Variants in PCDH15 observed in about 807,000 individuals in gnomAD.
PCDH15 encodes protocadherin-15.
In PCDH15, 129 loss-of-function variants were observed where a neutral mutation model predicts 178.5. The ratio of observed to expected loss-of-function variants is 0.72; its 90% CI spans 0.63 to 0.84. The LOEUF (loss-of-function observed/expected upper bound fraction) is 0.84, where lower values mean the gene tolerates loss of function less well. Ranked by LOEUF, PCDH15 falls within the 40% of genes least tolerant of loss-of-function variation. PCDH15 has a pLI of 0.00. For synonymous variants in PCDH15, 800 were observed against 732.0 expected (o/e 1.09, Z -1.50); for missense variants, 2,230 against 2,099.9 (o/e 1.06, Z -1.21).
At chr10:54,863,323 A>G (rs925203810) in intron 3 of PCDH15, among the ~76,000 whole-genome samples, 7 of 152,172 alleles carry the variant, frequency 4.6e-5, no homozygotes, top group Non-Finnish European at 1.0e-4. Context: ...CGGGCAGATC[A>G]CAAGGTCAGG....
chr10:55,479,724 T>C (rs958354628), intron 2 of PCDH15, among the ~76,000 whole-genome samples: 7 of 150,508 alleles, frequency 4.7e-5, no homozygotes, highest in Non-Finnish European at 1.0e-4. Context: ...TATCCCTCTT[T>C]GCAGACAGCA....
intron 2 of PCDH15, among the ~76,000 whole-genome samples, chr10:55,137,536 G>GT (rs10532707): frequency 3.3e-5 from 5 of 150,004 alleles, no homozygotes; most frequent in Admixed American, 1.3e-4. Context: ...ACAGATTCGG[G>GT]TTTTTTTTTT....
chr10:53,935,801 CTGAG>C (rs1345393036), intron 25 of PCDH15, among the ~76,000 whole-genome samples: 8 of 151,684 alleles, frequency 5.3e-5, no homozygotes, highest in Admixed American at 5.2e-4. Flanking sequence ...CTCAGGGTTA[CTGAG>C]TATTTGCTAT....
At chr10:54,920,027 T>A (rs892680280) in intron 2 of PCDH15, among the ~76,000 whole-genome samples, 1 of 152,200 alleles carries the variant, frequency 6.6e-6, no homozygotes, top group Non-Finnish European at 1.5e-5. Flanking sequence ...GGACATGTAT[T>A]TATTCTTCCA....
At chr10:55,231,741 G>A (rs184061241) in intron 1 of PCDH15, among the ~76,000 whole-genome samples, 1 of 151,918 alleles carries the variant, frequency 6.6e-6, no homozygotes, top group African/African-American at 2.4e-5. Context: ...AAATGAAAAG[G>A]TGATGATTTT....
intron 5 of PCDH15, among the ~76,000 whole-genome samples, chr10:54,358,877 T>C (rs926782387): frequency 2.6e-5 from 4 of 151,838 alleles, no homozygotes; most frequent in Admixed American, 6.6e-5. Context: ...TGGATGAAAC[T>C]GGAAATCATC....
intron 3 of PCDH15, chr10:54,486,329 A>C (rs1215420665): frequency 1.3e-5 from 2 of 152,062 alleles, no homozygotes; most frequent in Non-Finnish European, 2.9e-5. Flanking sequence ...AAGATTTAGA[A>C]CTAAGCATAT....
At chr10:54,220,872 G>A (rs1005278101) in intron 9 of PCDH15, among the ~76,000 whole-genome samples, 41 of 136,582 alleles carry the variant, frequency 3.0e-4, no homozygotes, top group East Asian at 1.5e-3. Context: ...AAATAAATAA[G>A]TAAAATAAAT....
At chr10:55,262,208 G>A (rs1468509950) in intron 1 of PCDH15, among the ~76,000 whole-genome samples, 2 of 148,088 alleles carry the variant, frequency 1.4e-5, no homozygotes, top group Non-Finnish European at 3.0e-5. Context: ...AAAAAAGGAA[G>A]GAAAACAAAA....
intron 2 of PCDH15, among the ~76,000 whole-genome samples, chr10:55,003,015 T>G (rs1159624048): frequency 6.6e-6 from 1 of 152,194 alleles, no homozygotes; most frequent in Non-Finnish European, 1.5e-5. Flanking sequence ...TATAGATGTG[T>G]TGTTAATATG....
In PCDH15 at chr10:55,337,033, G is replaced by A. The variant is rs535136567; in HGVS notation, c.-155-170382C>T. Among the ~76,000 whole-genome samples the A allele has an allele frequency of 5.7e-4, 87 of 152,190 alleles. 1 individual carries two copies. The South Asian group carries it at 0.018, about 31-fold the overall frequency. On this transcript the variant is annotated intron_variant, in intron 2 of 5. Transcript: ENST00000613346. ...AATTGTAACAGCTAAAAGTCTCTCC[G>A]TTCAGTGTCAAATACCCACGAGTGC...
chr10:53,827,465 A>T lies in PCDH15; in HGVS notation c.4295T>A (p.Val1432Glu). The change falls in exon 32 of 38, where the codon GTG becomes GAG. Residue 1432 changes from valine (V) to glutamate (E), a missense_variant. Val to Glu is a moderately radical substitution (Grantham distance 121). Coordinates refer to ENST00000644397, the MANE Select transcript of PCDH15 (RefSeq NM_001384140.1). ...CGGCGGCGGCGGCGGGGGCGCTGCC[A>T]CTGGTGCAGGAGCCGGCACTGCTGG... ...AKPAVPAPAP[V>E]AAPPPPPPPP... is the part of the protein sequence containing the mutation. 4 of 1,613,844 alleles carry T rather than the reference A, an allele frequency of 2.5e-6. No individual in the cohort carries two copies. Among genetic ancestry groups the T allele is most frequent in the Non-Finnish European group, 3.4e-6 (4 of 1,179,786 alleles).
At chr10:54,496,119 C>T (rs1255760583) in intron 3 of PCDH15, among the ~76,000 whole-genome samples, 2 of 152,096 alleles carry the variant, frequency 1.3e-5, no homozygotes, top group African/African-American at 4.8e-5. Context: ...TTACCCAAAA[C>T]GGTGACTATA....
rs1281288793 is a variant in PCDH15 at position 54,153,148 on chromosome 10, T to C, written c.1736A>G (p.Tyr579Cys). The C allele has an allele frequency of 6.2e-7, 1 of 1,613,934 alleles. No individual in the cohort carries two copies. Among genetic ancestry groups the C allele is most frequent in the Admixed American group, 1.7e-5 (1 of 59,970 alleles). Residue 579 changes from tyrosine to cysteine, a missense_variant, in exon 14 of 38, where the codon TAC becomes TGC. By Grantham distance (194) the Tyr-to-Cys change is radical. Coordinates refer to ENST00000644397, the MANE Select transcript of PCDH15 (RefSeq NM_001384140.1). ...ATCCGCTGCTTGGACCGTGAGTGCG[T>C]AAGTCCGCCCGACTATCATTTCCAC... ...PGVEMIVGRT[Y>C]ALTVQAADNA...
At chr10:54,566,930 T>A (rs1178018223) in intron 2 of PCDH15, among the ~76,000 whole-genome samples, 2 of 152,182 alleles carry the variant, frequency 1.3e-5, no homozygotes, top group African/African-American at 4.8e-5. Context: ...AAAGGCACTG[T>A]GTCATTTTGC....
chr10:55,195,653 TAAAAAAAAAAA>T (rs5785123), intron 1 of PCDH15, among the ~76,000 whole-genome samples: 1 of 118,140 alleles, frequency 8.5e-6, no homozygotes, highest in Non-Finnish European at 1.7e-5. Context: ...AAACTCCATC[TAAAAAAAAAAA>T]AAAAAAAAGT....
intron 2 of PCDH15, among the ~76,000 whole-genome samples, chr10:54,569,982 G>A (rs1565623882): frequency 6.6e-6 from 1 of 151,964 alleles, no homozygotes; most frequent in African/African-American, 2.4e-5. Flanking sequence ...TCTAGAGGAG[G>A]GCTACATTGG....
intron 2 of PCDH15, among the ~76,000 whole-genome samples, chr10:54,540,215 G>T (rs1280749129): frequency 6.6e-6 from 1 of 152,020 alleles, no homozygotes; most frequent in South Asian, 2.1e-4. Context: ...ACCAAAAGTT[G>T]GTTGTTTGAA....
At chr10:54,475,676 A>G (rs2078227547) in intron 3 of PCDH15, among the ~76,000 whole-genome samples, 1 of 151,862 alleles carries the variant, frequency 6.6e-6, no homozygotes, top group Non-Finnish European at 1.5e-5. Flanking sequence ...AGTGTCATTT[A>G]TTATCATTTT....
Sources: gnomAD v4.1 joint callset for allele counts (sites outside exome capture counted in the v4.1 genomes callset) on GRCh38, gnomAD v4.1.1 for gene constraint, MANE v1.5 for transcripts, NCBI Gene and HGNC (gene_info 2026-07-23, HGNC 2026-07-21) for gene names.